POTEE: variants seen among roughly 807,000 people sequenced by gnomAD.
POTEE encodes the protein POTE ankyrin domain family member E, also known as ANKRD26-like family C member 1A.
Under a neutral mutation model 74.2 loss-of-function variants are expected in POTEE, and 21 were observed. The ratio of observed to expected loss-of-function variants is 0.28; its 90% CI spans 0.20 to 0.41. The LOEUF is 0.41. POTEE is among the 10% of genes least tolerant of loss of function. POTEE has a pLI of 1.00. For missense variants in POTEE, 525 were observed against 1,158.6 expected, an observed-to-expected ratio of 0.45 and a Z score of 7.94; for synonymous variants, 211 against 432.8, an observed-to-expected ratio of 0.49 and a Z score of 6.36.
chr2:131,230,750 A>G, intron 8 of POTEE, 86 bp from the exon 9 acceptor site: 1 of 1,488,274 alleles, frequency 6.7e-7, no homozygotes, highest in South Asian at 1.2e-5. Flanking sequence ...TATTGTTTGA[A>G]ATACTCTTAA....
At position 131,211,540 on chromosome 2, in the gene POTEE, G is replaced by GTGTGTGTGTGTGTGTGT. The variant is rs70994742; in HGVS notation, c.-189+357_-189+358insTGTGTGTGTGTGTGTGT. On this transcript the variant is annotated intron_variant, in intron 2 of 17. Transcript: ENST00000683005. Reference sequence around the variant, plus strand: ...GGTGACTGTGTGTGTGTGTGTGTGTGGCTTTTTTTTTTTTTTTTTTTTTTT... The same window carrying GTGTGTGTGTGTGTGTGT: ...GGTGACTGTGTGTGTGTGTGTGTGTGTGTGTGTGTGTGTGTGTGCTTTTTTTTTTTTTTTTTTTTTTT... Among the ~76,000 whole-genome samples the GTGTGTGTGTGTGTGTGT allele has an allele frequency of 2.3e-3, 148 of 65,348 alleles. 1 individual carries two copies. Among genetic ancestry groups the GTGTGTGTGTGTGTGTGT allele is most frequent in the East Asian group, 4.4e-3 (9 of 2,038 alleles). 42.9% of individuals were successfully genotyped at this position (65,348 alleles called of 152,430 possible).
At chr2:131,226,778 T>C (rs1700792405) in intron 6 of POTEE, 45 bp from the exon 7 acceptor site, 1 of 1,610,300 alleles carries the variant, frequency 6.2e-7, no homozygotes, top group Admixed American at 1.7e-5. Context: ...GAGGAATATG[T>C]ACTTTTTTGA....
At chr2:131,217,825 G>A (rs978002359) in intron 3 of POTEE, among the ~76,000 whole-genome samples, 142 bp downstream of exon 3, 1 of 150,730 alleles carries the variant, frequency 6.6e-6, no homozygotes, top group Admixed American at 6.6e-5. Context: ...GTAACGGCTT[G>A]CACGCGCACG....
intron 6 of POTEE, among the ~76,000 whole-genome samples, chr2:131,225,689 T>G (rs537973156): frequency 2.7e-5 from 4 of 148,172 alleles, no homozygotes; most frequent in African/African-American, 1.0e-4. Flanking sequence ...AACCTCAGTT[T>G]TTTTTTTTTT....
intron 4 of POTEE, among the ~76,000 whole-genome samples, chr2:131,221,038 G>GT (rs1227044386): frequency 6.6e-6 from 1 of 151,998 alleles, no homozygotes; most frequent in African/African-American, 2.4e-5. Context: ...AAGAACAGTG[G>GT]TACTTACGTA....
chr2:131,211,659 C>A (rs566917893), intron 2 of POTEE, among the ~76,000 whole-genome samples: 1 of 148,360 alleles, frequency 6.7e-6, no homozygotes, highest in South Asian at 2.2e-4. Context: ...TTCACCCCAT[C>A]CTCCTGCCTC....
chr2:131,211,553 T>G (rs1250788605), intron 2 of POTEE, among the ~76,000 whole-genome samples: 4 of 94,132 alleles, frequency 4.2e-5, no homozygotes, highest in Admixed American at 2.2e-4. Context: ...TTTTTTTTTT[T>G]TTTTTTTTTT....
At chr2:131,218,014 A>AGCTTGGATTGACGTTTCCT (rs1355702207) in intron 3 of POTEE, 7 of 287,374 alleles carry the variant, frequency 2.4e-5, no homozygotes, top group Non-Finnish European at 4.6e-5. Flanking sequence ...TGGCGTTGGT[A>AGCTTGGATTGACGTTTCCT]GCTTGGATTG....
chr2:131,223,101 A>T (rs1022135142), intron 4 of POTEE, among the ~76,000 whole-genome samples: 6 of 151,658 alleles, frequency 4.0e-5, no homozygotes, highest in African/African-American at 1.5e-4. Flanking sequence ...CACACCTGAA[A>T]GTGTAGGTAT....
chr2:131,215,208 A>G (rs1194506704), intron 2 of POTEE, among the ~76,000 whole-genome samples: 3 of 152,136 alleles, frequency 2.0e-5, no homozygotes, highest in Non-Finnish European at 2.9e-5. Context: ...AGTATTTTTA[A>G]TCATTTAAAC....
chr2:131,221,353 A>G (rs1321493321), intron 4 of POTEE, among the ~76,000 whole-genome samples: 1 of 152,236 alleles, frequency 6.6e-6, no homozygotes, highest in Non-Finnish European at 1.5e-5. Flanking sequence ...AAGTGAGAAA[A>G]AAATCAGTTG....
chr2:131,262,102 TTGA>T (rs1701721072), intron 17 of POTEE, among the ~76,000 whole-genome samples: 1 of 124,044 alleles, frequency 8.1e-6, no homozygotes, highest in African/African-American at 2.5e-5. Context: ...TTCATAAGAA[TTGA>T]TGATCTTTCC....
intron 8 of POTEE, chr2:131,229,550 C>G (rs531034198): frequency 6.6e-6 from 1 of 152,158 alleles, no homozygotes; most frequent in East Asian, 1.9e-4. Context: ...AGTTGGACTT[C>G]ACAGAGCCAA....
At chr2:131,256,988 A>T (rs1701594745) in intron 16 of POTEE, among the ~76,000 whole-genome samples, 1 of 151,404 alleles carries the variant, frequency 6.6e-6, no homozygotes, top group African/African-American at 2.4e-5. Flanking sequence ...TCTTGACATC[A>T]ACTCTGTTAA....
chr2:131,226,125 C>T (rs552101388), intron 6 of POTEE, among the ~76,000 whole-genome samples: 4 of 152,040 alleles, frequency 2.6e-5, no homozygotes, highest in Admixed American at 2.0e-4. Context: ...GTATTATGGA[C>T]TATCCAGTGT....
chr2:131,218,199 G>T, intron 3 of POTEE, 111 bp from the exon 4 acceptor site: 1 of 946,912 alleles, frequency 1.1e-6, no homozygotes, highest in Non-Finnish European at 1.6e-6. Flanking sequence ...CAGGGGGGGC[G>T]TGGGCTTTCC....
chr2:131,225,065 G>C (rs1353701811), intron 6 of POTEE, among the ~76,000 whole-genome samples: 1 of 152,148 alleles, frequency 6.6e-6, no homozygotes, highest in Non-Finnish European at 1.5e-5. Flanking sequence ...ATCTTCAAAT[G>C]AGAAAGGGAA....
At chr2:131,217,830 C>T (rs1409491097) in intron 3 of POTEE, among the ~76,000 whole-genome samples, 147 bp downstream of exon 3, 205 of 149,958 alleles carry the variant, frequency 1.4e-3, no homozygotes, top group African/African-American at 4.6e-3. Flanking sequence ...GGCTTGCACG[C>T]GCACGCCGCA....
intron 5 of POTEE, 54 bp downstream of exon 5, chr2:131,223,764 C>G (rs776945050): frequency 3.7e-6 from 6 of 1,609,758 alleles, no homozygotes; most frequent in South Asian, 1.1e-5. Context: ...CAATACATAG[C>G]ATAAAAATGA....
Sources: allele counts gnomAD v4.1 joint callset (sites outside exome capture counted in the v4.1 genomes callset), GRCh38; gene constraint gnomAD v4.1.1; transcripts MANE v1.5; gene names NCBI Gene and HGNC (gene_info 2026-07-23, HGNC 2026-07-21).